SCAF8: variants seen among roughly 807,000 people sequenced by gnomAD.
SCAF8 encodes the protein SR-related and CTD-associated factor 8.
Under a neutral mutation model 140.5 loss-of-function variants are expected in SCAF8, and 23 were observed. The observed-to-expected ratio is 0.16, with a 90% CI of 0.12 to 0.23. SCAF8 has a LOEUF of 0.23. Ranked by LOEUF, SCAF8 falls within the 10% of genes least tolerant of loss-of-function variation. SCAF8 has a pLI of 1.00. For missense variants in SCAF8, 1,397 were observed against 1,555.7 expected (o/e 0.90, Z 1.72); for synonymous variants, 575 against 528.9 (o/e 1.09, Z -1.20).
chr6:154,759,906 TG>T (rs1478557234), intron 1 of SCAF8, among the ~76,000 whole-genome samples: 1 of 152,170 alleles, frequency 6.6e-6, no homozygotes, highest in Non-Finnish European at 1.5e-5. Context: ...CCTGATCTTG[TG>T]ATCCTCCCAC....
Position 154,733,674 on chromosome 6 carries a change from A to G in SCAF8, c.-227A>G. On this transcript the variant is annotated 5_prime_UTR_variant, in exon 1 of 20. Transcript: ENST00000367178. ...CCCGGCAGCGCCTCTGTTCCCTAGA[A>G]CGGCGCTCCCCCCGCCCTAGCGGCC... 1.5e-6 allele frequency: 2 copies of G among 1,306,410 alleles called. No individual in the cohort carries two copies. Among genetic ancestry groups the G allele is most frequent in the Non-Finnish European group, 1.9e-6 (2 of 1,031,266 alleles). The allele number at this position is 1,306,410 out of a possible 1,614,324, so 80.9% of individuals were successfully genotyped here.
intron 1 of SCAF8, among the ~76,000 whole-genome samples, chr6:154,742,915 G>A (rs1465032569): frequency 2.0e-5 from 3 of 152,012 alleles, no homozygotes; most frequent in Admixed American, 1.3e-4. Context: ...GTTCATGCAC[G>A]TAACTAATAT....
chr6:154,777,183 A>AG (rs201758767), intron 2 of SCAF8, among the ~76,000 whole-genome samples: 1,915 of 152,032 alleles, frequency 0.013, 58 homozygotes, highest in African/African-American at 0.044. Context: ...TGTGTCTCCA[A>AG]GGGGAAAAAA....
At chr6:154,734,655 A>G (rs1292798972) in intron 1 of SCAF8, among the ~76,000 whole-genome samples, 1 of 152,210 alleles carries the variant, frequency 6.6e-6, no homozygotes, top group Non-Finnish European at 1.5e-5. Flanking sequence ...CAAGATTTTA[A>G]AAAGCAGATT....
intron 1 of SCAF8, among the ~76,000 whole-genome samples, chr6:154,768,824 A>C (rs1776655028): frequency 6.6e-6 from 1 of 152,170 alleles, no homozygotes; most frequent in African/African-American, 2.4e-5. Context: ...GCACTTTGGG[A>C]AGCCAAGGTG....
intron 5 of SCAF8, among the ~76,000 whole-genome samples, chr6:154,794,075 C>T (rs1777512277): frequency 6.6e-6 from 1 of 151,846 alleles, no homozygotes; most frequent in Non-Finnish European, 1.5e-5. Context: ...GCATGCACTA[C>T]CATGCCTGGC....
intron 1 of SCAF8, among the ~76,000 whole-genome samples, chr6:154,756,093 T>C (rs1264700595): frequency 1.3e-5 from 2 of 152,234 alleles, no homozygotes; most frequent in Non-Finnish European, 2.9e-5. Context: ...CCCAGTATTT[T>C]TATTTTGACA....
At chr6:154,824,132 T>G (rs1778496708) in intron 16 of SCAF8, 102 bp from the exon 17 acceptor site, 2 of 1,230,606 alleles carry the variant, frequency 1.6e-6, no homozygotes, top group Non-Finnish European at 2.3e-6. Flanking sequence ...TTTAGTAGTA[T>G]TTGTTACCAT....
intron 1 of SCAF8, among the ~76,000 whole-genome samples, chr6:154,744,622 G>A (rs535781286): frequency 4.6e-5 from 7 of 152,250 alleles, no homozygotes. Flanking sequence ...GGGATTAGAA[G>A]GACCTAGTTC....
At chr6:154,792,130 T>G (rs1777438001) in intron 4 of SCAF8, among the ~76,000 whole-genome samples, 1 of 152,140 alleles carries the variant, frequency 6.6e-6, no homozygotes, top group Admixed American at 6.5e-5. Context: ...AATGCCAGTA[T>G]GACATTGACA....
At chr6:154,764,663 G>GA (rs1776511308) in intron 1 of SCAF8, among the ~76,000 whole-genome samples, 1 of 152,096 alleles carries the variant, frequency 6.6e-6, no homozygotes, top group African/African-American at 2.4e-5. Context: ...CTGATAAGAT[G>GA]GAAACCTGTA....
At chr6:154,829,225 A>G (rs1203878498) in intron 18 of SCAF8, among the ~76,000 whole-genome samples, 1 of 147,102 alleles carries the variant, frequency 6.8e-6, no homozygotes, top group African/African-American at 2.4e-5. Context: ...TGCCAGTTTC[A>G]TAAGTGATTT....
At chr6:154,824,514 G>T (rs1013026687) in intron 17 of SCAF8, 136 bp downstream of exon 17, 37 of 735,226 alleles carry the variant, frequency 5.0e-5, no homozygotes, top group Non-Finnish European at 6.6e-5. Context: ...CAGATTGCTG[G>T]GCCCAGCCTC....
At chr6:154,800,252 C>G (rs558663291) in intron 6 of SCAF8, among the ~76,000 whole-genome samples, 15 of 151,354 alleles carry the variant, frequency 9.9e-5, no homozygotes, top group Non-Finnish European at 2.1e-4. Context: ...TAAACTAGGG[C>G]AAGAATTTTT....
At chr6:154,758,074 C>A (rs1283485550) in intron 1 of SCAF8, among the ~76,000 whole-genome samples, 2 of 152,000 alleles carry the variant, frequency 1.3e-5, no homozygotes, top group East Asian at 3.9e-4. Context: ...TCACTCCCAG[C>A]TAATTTTTTG....
intron 1 of SCAF8, among the ~76,000 whole-genome samples, chr6:154,760,698 A>G (rs1776357577): frequency 7.7e-6 from 1 of 129,274 alleles, no homozygotes; most frequent in South Asian, 2.8e-4. Context: ...TAGATAGATT[A>G]CATTTTTTCT....
intron 11 of SCAF8, 112 bp downstream of exon 11, chr6:154,808,910 G>A (rs1778004979): frequency 2.8e-6 from 2 of 705,428 alleles, no homozygotes; most frequent in East Asian, 2.7e-5. Flanking sequence ...TTTTTTCTCA[G>A]TCTCTCGGAA....
rs187665759 is a variant in SCAF8 at position 154,832,427 on chromosome 6, C to A, written c.2848C>A (p.Arg950=). Residue 950 remains arginine, a synonymous_variant, in exon 20 of 20, where the codon CGG becomes AGG. Transcript: ENST00000367178. ...AATACAGCCTGGAATTCCACCCCAA[C>A]GGGGAATCCCACCCCCATCGGTACT... is the stretch of plus-strand genomic sequence containing the variant. ...PLIQPGIPPQ[R]GIPPPSVLDS... 3.7e-6 allele frequency: 6 copies of A among 1,614,146 alleles called. No individual in the cohort carries two copies. The highest frequency in any genetic ancestry group is 5.1e-6 in the Non-Finnish European group (6 of 1,180,016).
intron 6 of SCAF8, among the ~76,000 whole-genome samples, chr6:154,796,209 A>G (rs2114886997): frequency 6.6e-6 from 1 of 152,250 alleles, no homozygotes; most frequent in African/African-American, 2.4e-5. Context: ...GTTTCGAGAT[A>G]TGTATTTTTT....
Sources: allele counts gnomAD v4.1 joint callset (sites outside exome capture counted in the v4.1 genomes callset), GRCh38; gene constraint gnomAD v4.1.1; transcripts MANE v1.5; gene names NCBI Gene and HGNC (gene_info 2026-07-23, HGNC 2026-07-21).